Variants in PRSS23 observed in about 807,000 individuals in gnomAD.
The protein encoded by PRSS23 is serine protease 23.
Under a neutral mutation model 34.7 loss-of-function variants are expected in PRSS23, and 25 were observed. The observed-to-expected ratio is 0.72, with a 90% CI of 0.53 to 1.01. The LOEUF (loss-of-function observed/expected upper bound fraction) is 1.01. Ranked by LOEUF, PRSS23 falls within the 50% of genes least tolerant of loss-of-function variation. The pLI is 0.00. For synonymous variants in PRSS23, 176 were observed against 186.6 expected, an observed-to-expected ratio of 0.94 and a Z score of 0.46; for missense variants, 445 against 475.6, an observed-to-expected ratio of 0.94 and a Z score of 0.60.
chr11:86,914,832 A>AT (rs1168345159), intron 2 of PRSS23, among the ~76,000 whole-genome samples: 1 of 152,216 alleles, frequency 6.6e-6, no homozygotes, highest in Non-Finnish European at 1.5e-5. Context: ...AGCCTTATAC[A>AT]TTTTTTAAAA....
chr11:86,855,033 C>A (rs1451690375), intron 2 of PRSS23, among the ~76,000 whole-genome samples: 1 of 152,102 alleles, frequency 6.6e-6, no homozygotes, highest in Non-Finnish European at 1.5e-5. Flanking sequence ...GGTGTGGTGG[C>A]ACATGCCTGT....
intron 2 of PRSS23, among the ~76,000 whole-genome samples, chr11:86,824,421 C>A (rs1370067751): frequency 2.0e-5 from 3 of 147,220 alleles, no homozygotes; most frequent in African/African-American, 5.0e-5. Context: ...TGGGGTGAGG[C>A]CTTTGAACTC....
chr11:86,877,775 T>C (rs1473107211), intron 2 of PRSS23, among the ~76,000 whole-genome samples: 3 of 151,998 alleles, frequency 2.0e-5, no homozygotes, highest in Non-Finnish European at 2.9e-5. Flanking sequence ...CTCTCCAACT[T>C]TGTTTGTTTT....
upstream of PRSS23, among the ~76,000 whole-genome samples, chr11:86,795,663 C>A (rs1947976128): frequency 6.6e-6 from 1 of 152,250 alleles, no homozygotes; most frequent in Non-Finnish European, 1.5e-5. Context: ...CACAGCACCT[C>A]TATGGCTAAG....
intron 2 of PRSS23, among the ~76,000 whole-genome samples, chr11:86,859,859 T>G (rs1472801736): frequency 6.6e-6 from 1 of 151,974 alleles, no homozygotes; most frequent in Non-Finnish European, 1.5e-5. Flanking sequence ...AGTGTGATAT[T>G]GTTTCTAATA....
Position 86,950,021 on chromosome 11 carries a change from C to G in PRSS23, c.207-1195C>G, listed in dbSNP as rs752918590. The stretch of plus-strand genomic sequence containing the variant: ...ATAAAAAAATTTTTAAAGGCACTAT[C>G]ATTCTGAGAATGCAAGTTGAAGTTG... On this transcript the variant is annotated intron_variant, in intron 2 of 2. Coordinates refer to the PRSS23 transcript ENST00000533902. 6.6e-6 allele frequency: 1 copy of G among 152,318 alleles called. No homozygotes were observed. The highest frequency in any genetic ancestry group is 1.5e-5 in the Non-Finnish European group (1 of 68,044). 9.4% of individuals were successfully genotyped at this position (152,318 alleles called of 1,614,324 possible).
intron 2 of PRSS23, among the ~76,000 whole-genome samples, chr11:86,942,196 GC>G (rs368916749): frequency 7.2e-5 from 11 of 152,310 alleles, no homozygotes; most frequent in Non-Finnish European, 1.5e-4. Flanking sequence ...GCAGGAAGTG[GC>G]AAGCAGGAGG....
chr11:86,835,097 G>T lies in PRSS23; in HGVS notation c.206+11504G>T, dbSNP rs184409593. ...TCTGGAAGAAATGTAGCTGGGTTAA[G>T]AGTTGCACAAGTGTGCAGTTGCAGC... On this transcript the variant is annotated intron_variant, in intron 2 of 2. Transcript: ENST00000533902. Among the ~76,000 whole-genome samples the T allele has an allele frequency of 9.5e-3, 1,440 of 152,334 alleles. 33 individuals carry two copies. The highest frequency in any genetic ancestry group is 0.033 in the African/African-American group (1,362 of 41,574).
rs566672624 is a variant in PRSS23, at chr11:86,842,687, TAAA to T, written c.206+19096_206+19098del. 1.2e-3 allele frequency among the ~76,000 whole-genome samples: 183 copies of T among 152,236 alleles called. 1 individual carries two copies. The highest frequency in any genetic ancestry group is 4.2e-3 in the African/African-American group (174 of 41,542). The stretch of plus-strand genomic sequence containing the variant: ...CCATTCACAACTGTGAGAAAGAGAA[TAAA>T]ATACCTGGGAATCCAAATTACAAGG... On this transcript the variant is annotated intron_variant, in intron 2 of 2. Coordinates refer to the PRSS23 transcript ENST00000533902.
chr11:86,905,573 A>C (rs1948936743), intron 2 of PRSS23, among the ~76,000 whole-genome samples: 1 of 152,254 alleles, frequency 6.6e-6, no homozygotes, highest in Non-Finnish European at 1.5e-5. Context: ...GTTGAAGCAT[A>C]TTAAACCATC....
At position 86,829,928 on chromosome 11, in the gene PRSS23, G is replaced by A. The variant is rs569557671; in HGVS notation, c.206+6335G>A. ...GGGGTGCCTCCCAGTTAGGCTGCTC[G>A]GGTGTCAGGGGTCAGGGACCCACTT... On this transcript the variant is annotated intron_variant, in intron 2 of 2. Transcript: ENST00000533902. Among the ~76,000 whole-genome samples the A allele has an allele frequency of 5.9e-5, 9 of 152,290 alleles. No homozygotes were observed. The South Asian group carries it at 6.2e-4, about 11-fold the overall frequency.
chr11:86,868,175 A>C (rs755499587), intron 2 of PRSS23, among the ~76,000 whole-genome samples: 27 of 152,348 alleles, frequency 1.8e-4, no homozygotes, highest in Middle Eastern at 6.8e-3. Flanking sequence ...AGAGACCCTC[A>C]GAGCATTCAT....
chr11:86,820,213 T>G (rs1294166184), intron 1 of PRSS23, among the ~76,000 whole-genome samples: 10 of 152,146 alleles, frequency 6.6e-5, no homozygotes, highest in African/African-American at 2.4e-4. Flanking sequence ...GAGTCAAAAT[T>G]TTAAGGACTG....
At chr11:86,797,596 G>C (rs1472685443), upstream of PRSS23, among the ~76,000 whole-genome samples, 2 of 152,152 alleles carry the variant, frequency 1.3e-5, no homozygotes, top group East Asian at 3.9e-4. Flanking sequence ...TTTTCTCTCT[G>C]AGTGATGGGA....
intron 2 of PRSS23, chr11:86,948,278 AG>A (rs1949260538): frequency 6.6e-6 from 1 of 152,172 alleles, no homozygotes; most frequent in Admixed American, 6.5e-5. Flanking sequence ...CCTTTCCCAG[AG>A]GAACAGTAAA....
At position 86,803,753 on chromosome 11, in the gene PRSS23, G is replaced by A. The variant is rs116875596; in HGVS notation, c.-14+3102G>A. 2.7e-3 allele frequency among the ~76,000 whole-genome samples: 411 copies of A among 152,076 alleles called. 16 individuals carry two copies. In the East Asian group the frequency reaches 0.072, roughly 27 times the overall value. ...CTGCCTTCTGCTGGAGTCACAATTT[G>A]TACAATAGAGAATATATGACCTAAG... On this transcript the variant is annotated intron_variant, in intron 1 of 1. Coordinates refer to ENST00000280258, the MANE Select transcript of PRSS23 (RefSeq NM_007173.6).
chr11:86,850,015 C>T (rs572567785), intron 2 of PRSS23, among the ~76,000 whole-genome samples: 15 of 152,248 alleles, frequency 9.9e-5, no homozygotes, highest in Middle Eastern at 3.4e-3. Context: ...AATAAGAGAA[C>T]GGATAGAAAG....
intron 2 of PRSS23, among the ~76,000 whole-genome samples, chr11:86,859,567 CT>C (rs1427397890): frequency 1.3e-5 from 2 of 151,752 alleles, no homozygotes; most frequent in African/African-American, 4.8e-5. Context: ...GATTTTGTTC[CT>C]AATATTAAGG....
At chr11:86,913,987 C>T (rs924846237) in intron 2 of PRSS23, among the ~76,000 whole-genome samples, 1 of 143,430 alleles carries the variant, frequency 7.0e-6, no homozygotes, top group South Asian at 2.1e-4. Flanking sequence ...GGTGGATCAC[C>T]TGAGGTCAGG....
Sources: allele counts gnomAD v4.1 joint callset (sites outside exome capture counted in the v4.1 genomes callset), GRCh38; gene constraint gnomAD v4.1.1; transcripts MANE v1.5; gene names NCBI Gene and HGNC (gene_info 2026-07-23, HGNC 2026-07-21).